Variants in GRIA1 observed in about 807,000 individuals in gnomAD.
GRIA1 encodes glutamate receptor 1.
In GRIA1, 31 loss-of-function variants were observed where a neutral mutation model predicts 99.2. The ratio of observed to expected loss-of-function variants is 0.31; its 90% CI spans 0.23 to 0.42. The LOEUF (loss-of-function observed/expected upper bound fraction) is 0.42. GRIA1 is among the 10% of genes least tolerant of loss of function. The pLI is 1.00. For synonymous variants in GRIA1, 438 were observed against 432.4 expected (o/e 1.01, Z -0.16); for missense variants, 782 against 1,157.5 (o/e 0.68, Z 4.71).
At chr5:153,518,866 C>T (rs992391188) in intron 2 of GRIA1, among the ~76,000 whole-genome samples, 3 of 152,138 alleles carry the variant, frequency 2.0e-5, no homozygotes, top group African/African-American at 7.2e-5. Flanking sequence ...AGCCTGGCAT[C>T]GTGCTCCATG....
intron 2 of GRIA1, among the ~76,000 whole-genome samples, chr5:153,644,975 G>C (rs1304038209): frequency 6.6e-6 from 1 of 151,998 alleles, no homozygotes; most frequent in East Asian, 2.0e-4. Context: ...ATGGTCAGAT[G>C]TTGAGACTTT....
intron 8 of GRIA1, among the ~76,000 whole-genome samples, chr5:153,697,606 A>G (rs1481855420): frequency 6.6e-6 from 1 of 152,222 alleles, no homozygotes; most frequent in Admixed American, 6.5e-5. Flanking sequence ...CTAAAAATAA[A>G]GTAAAAGAAT....
intron 7 of GRIA1, 33 bp from the exon 8 acceptor site, chr5:153,686,192 G>A: frequency 6.8e-7 from 1 of 1,480,356 alleles, no homozygotes; most frequent in Non-Finnish European, 9.5e-7. Context: ...GTACATCTGA[G>A]TTCACTGCCC....
intron 2 of GRIA1, among the ~76,000 whole-genome samples, chr5:153,605,362 G>A (rs1765354441): frequency 6.6e-6 from 1 of 152,030 alleles, no homozygotes; most frequent in South Asian, 2.1e-4. Flanking sequence ...TCCTGTATAG[G>A]ATTCTATTGT....
At position 153,798,659 on chromosome 5, in the gene GRIA1, C is replaced by T. The variant is rs114742835; in HGVS notation, c.2386-3697C>T. ...GTCTCAGTGGAAGTCACTGGTCTGA[C>T]GGCCAAAAGCCTTGGCTTCTCCCTA... On this transcript the variant is annotated intron_variant, in intron 14 of 15. Coordinates refer to ENST00000285900, the MANE Select transcript of GRIA1 (RefSeq NM_000827.4). Among the ~76,000 whole-genome samples, 470 of 152,312 alleles carry T rather than the reference C, an allele frequency of 3.1e-3. 4 individuals carry two copies. The highest frequency in any genetic ancestry group is 0.011 in the African/African-American group (460 of 41,580).
intron 2 of GRIA1, among the ~76,000 whole-genome samples, chr5:153,567,306 G>T (rs1203314462): frequency 1.3e-5 from 2 of 152,166 alleles, no homozygotes; most frequent in African/African-American, 2.4e-5. Flanking sequence ...ATAAATCAAA[G>T]ATTTCAGACA....
Position 153,783,186 on chromosome 5 carries a change from C to T in GRIA1, c.2271-11435C>T, listed in dbSNP as rs535159159. On this transcript the variant is annotated intron_variant, in intron 13 of 15. Coordinates refer to ENST00000285900, the MANE Select transcript of GRIA1 (RefSeq NM_000827.4). ...TCCCCTGCATCCTGTTCACGCAGTC[C>T]TTAGAATTGGCCCAGCTTTTCTTCC... 2.7e-4 allele frequency among the ~76,000 whole-genome samples: 41 copies of T among 152,332 alleles called. No individual in the cohort carries two copies. The South Asian group carries it at 8.3e-3, about 31-fold the overall frequency.
chr5:153,550,246 C>A (rs1161281745), intron 2 of GRIA1, among the ~76,000 whole-genome samples: 1 of 151,744 alleles, frequency 6.6e-6, no homozygotes, highest in Non-Finnish European at 1.5e-5. Flanking sequence ...ACCAGGGAGT[C>A]GAGTCCACTG....
chr5:153,677,081 C>T lies in GRIA1; in HGVS notation c.949C>T (p.Arg317Trp), dbSNP rs778853422. 10 of 1,584,664 alleles carry T rather than the reference C, an allele frequency of 6.3e-6. No individual in the cohort carries two copies. Among genetic ancestry groups the T allele is most frequent in the East Asian group, 2.3e-5 (1 of 43,086 alleles). ...LRRQRIDISR[R>W]GNAGDCLANP... Reference sequence around the variant, plus strand: ...GAGGCAGAGAATTGATATATCTCGCCGGGGGAATGCTGGGGATTGTCTGGC... The same window carrying T: ...GAGGCAGAGAATTGATATATCTCGCTGGGGGAATGCTGGGGATTGTCTGGC... The change falls in exon 7 of 16, where the codon CGG (arginine) becomes TGG (tryptophan). Residue 317 changes from arginine to tryptophan, a missense_variant. This residue lies in a region of GRIA1 where 461 missense variants were observed against 521.7 expected (regional missense o/e 0.88). Coordinates refer to ENST00000285900, the MANE Select transcript of GRIA1 (RefSeq NM_000827.4).
chr5:153,602,355 G>A (rs1018435237), intron 2 of GRIA1, among the ~76,000 whole-genome samples: 25 of 147,180 alleles, frequency 1.7e-4, no homozygotes, highest in Non-Finnish European at 2.8e-4. Flanking sequence ...ACAGGAAGGG[G>A]AACATCACAC....
At chr5:153,616,770 G>A (rs1766546524) in intron 2 of GRIA1, among the ~76,000 whole-genome samples, 2 of 152,330 alleles carry the variant, frequency 1.3e-5, no homozygotes, top group Admixed American at 6.5e-5. Flanking sequence ...CAGGGAAAAG[G>A]GACTTTGGAA....
intron 13 of GRIA1, among the ~76,000 whole-genome samples, chr5:153,786,258 T>C (rs1424168799): frequency 6.6e-6 from 1 of 152,064 alleles, no homozygotes; most frequent in Non-Finnish European, 1.5e-5. Context: ...TGATTAGGAC[T>C]CTGTCAGCTG....
At chr5:153,738,531 GGAGCCCTCAAAAAACTAGT>G (rs1251396509) in intron 11 of GRIA1, among the ~76,000 whole-genome samples, 1 of 151,884 alleles carries the variant, frequency 6.6e-6, no homozygotes, top group African/African-American at 2.4e-5. Context: ...ACTTAAATAT[GGAGCCCTCAAAAAACTAGT>G]GAGCTCTATT....
At chr5:153,546,250 G>A (rs1472819389) in intron 2 of GRIA1, among the ~76,000 whole-genome samples, 1 of 152,138 alleles carries the variant, frequency 6.6e-6, no homozygotes, top group African/African-American at 2.4e-5. Flanking sequence ...CAATCTAGAG[G>A]AATCATCATT....
chr5:153,734,301 T>C (rs1462634882), intron 11 of GRIA1, among the ~76,000 whole-genome samples: 3 of 152,158 alleles, frequency 2.0e-5, no homozygotes, highest in Admixed American at 6.5e-5. Context: ...GAATTAGGGG[T>C]TGCTCTTAAG....
At chr5:153,671,314 T>C (rs949737427) in intron 5 of GRIA1, among the ~76,000 whole-genome samples, 1 of 152,210 alleles carries the variant, frequency 6.6e-6, no homozygotes, top group African/African-American at 2.4e-5. Flanking sequence ...GAGACAGAAT[T>C]TGACTGCAGG....
chr5:153,720,667 A>G (rs1266031559), intron 11 of GRIA1, among the ~76,000 whole-genome samples: 1 of 152,222 alleles, frequency 6.6e-6, no homozygotes, highest in Non-Finnish European at 1.5e-5. Context: ...GGCTGTGTAG[A>G]GAGCCTGGCT....
At chr5:153,581,845 C>T (rs1461297471) in intron 2 of GRIA1, among the ~76,000 whole-genome samples, 3 of 151,770 alleles carry the variant, frequency 2.0e-5, no homozygotes, top group African/African-American at 7.3e-5. Context: ...CTGCTCCCTG[C>T]CTCCAAGGTT....
rs6876745 is a variant in GRIA1, at chr5:153,598,712, C to A, written c.221-48216C>A. Reference sequence around the variant, plus strand: ...CCTTATAGCCAATATTTATTGGGCTCTTGAGTTTATGATATGGTCCACTGA... The same window carrying A: ...CCTTATAGCCAATATTTATTGGGCTATTGAGTTTATGATATGGTCCACTGA... On this transcript the variant is annotated intron_variant, in intron 2 of 15. Transcript: ENST00000285900. Among the ~76,000 whole-genome samples the A allele has an allele frequency of 8.3e-3, 1,265 of 152,182 alleles. 12 individuals carry two copies. The highest frequency in any genetic ancestry group is 0.029 in the African/African-American group (1,187 of 41,524).
Sources: gnomAD v4.1 joint callset for allele counts (sites outside exome capture counted in the v4.1 genomes callset) on GRCh38, gnomAD v4.1.1 for gene constraint, gnomAD v4.1.1 regional missense constraint, MANE v1.5 for transcripts, NCBI Gene and HGNC (gene_info 2026-07-23, HGNC 2026-07-21) for gene names.